The following NAA11 variants were observed in gnomAD, a reference collection of about 807,000 sequenced individuals.
NAA11 encodes N-alpha-acetyltransferase 11, NatA catalytic subunit, also known as N-alpha-acetyltransferase 11.
NAA11 carries 15 observed loss-of-function variants against 16.1 expected under a neutral mutation model. The ratio of observed to expected loss-of-function variants is 0.93; its 90% CI spans 0.62 to 1.44. The LOEUF (loss-of-function observed/expected upper bound fraction) is 1.44. Among genes scored for constraint, NAA11 ranks in the 40% most tolerant of loss-of-function variants. NAA11 has a pLI of 0.00. For synonymous variants in NAA11, 122 were observed against 112.4 expected, an observed-to-expected ratio of 1.09 and a Z score of -0.54; for missense variants, 298 against 291.3, an observed-to-expected ratio of 1.02 and a Z score of -0.17.
chr4:79,292,410 T>A (rs1220725908), intron 2 of NAA11, among the ~76,000 whole-genome samples: 1 of 152,216 alleles, frequency 6.6e-6, no homozygotes, highest in Non-Finnish European at 1.5e-5. Context: ...CTTACATATA[T>A]GACCATCTCC....
chr4:79,307,201 T>C (rs958081956), intron 1 of NAA11: 1 of 152,248 alleles, frequency 6.6e-6, no homozygotes, highest in African/African-American at 2.4e-5. Flanking sequence ...GGATAACATA[T>C]GATCGGGAGA....
At chr4:79,298,015 G>C (rs1335167228) in intron 1 of NAA11, among the ~76,000 whole-genome samples, 1 of 152,222 alleles carries the variant, frequency 6.6e-6, no homozygotes, top group Non-Finnish European at 1.5e-5. Flanking sequence ...GGCTCAGCCA[G>C]AGCAGAGCAG....
At chr4:79,257,496 C>A (rs1300250246) in intron 2 of NAA11, among the ~76,000 whole-genome samples, 1 of 151,990 alleles carries the variant, frequency 6.6e-6, no homozygotes, top group Admixed American at 6.6e-5. Flanking sequence ...TTCTTTAGGT[C>A]ACTTATTATC....
rs558413914 is a variant in NAA11 at position 79,284,878 on chromosome 4, CAAAAAAAA to C, written c.*122+9119_*122+9126del. On this transcript the variant is annotated intron_variant and NMD_transcript_variant, in intron 2 of 2. Transcript: ENST00000511542. ...TGGGCGACAGAGCGAGACTCCGTCT[CAAAAAAAA>C]AAAAAAAAAAAAAAAAAAAGAATGA... Among the ~76,000 whole-genome samples, 9 of 5,146 alleles carry C rather than the reference CAAAAAAAA, an allele frequency of 1.7e-3. 3 individuals carry two copies. The highest frequency in any genetic ancestry group is 2.8e-3 in the African/African-American group (2 of 722). 3.4% of individuals were successfully genotyped at this position (5,146 alleles called of 152,430 possible).
At chr4:79,233,369 C>T (rs1420665531) in intron 2 of NAA11, among the ~76,000 whole-genome samples, 1 of 151,870 alleles carries the variant, frequency 6.6e-6, no homozygotes, top group Admixed American at 6.6e-5. Flanking sequence ...ACCATTTTGT[C>T]TTGGAGGTAT....
the NAA11 span, among the ~76,000 whole-genome samples, chr4:79,157,898 ATT>A: frequency 1.7e-4 from 21 of 125,966 alleles, no homozygotes; most frequent in Admixed American, 2.5e-4. Flanking sequence ...ATTGCTGATG[ATT>A]TTTTTTTTTT....
the NAA11 span, among the ~76,000 whole-genome samples, chr4:79,155,655 T>A: frequency 6.6e-6 from 1 of 152,178 alleles, no homozygotes; most frequent in African/African-American, 2.4e-5. Context: ...CAAAAACACG[T>A]GTTGCCAAAT....
intron 2 of NAA11, among the ~76,000 whole-genome samples, chr4:79,232,118 G>A (rs1721480218): frequency 1.3e-5 from 2 of 151,830 alleles, no homozygotes. Context: ...TCTGAGGTTT[G>A]TTTGAATAAT....
At chr4:79,289,353 A>G (rs186767038) in intron 2 of NAA11, among the ~76,000 whole-genome samples, 10 of 152,372 alleles carry the variant, frequency 6.6e-5, no homozygotes, top group Non-Finnish European at 2.9e-5. Flanking sequence ...CAATTTCAAA[A>G]GCAAAATATT....
the NAA11 span, among the ~76,000 whole-genome samples, chr4:79,165,580 T>A: frequency 1.3e-5 from 2 of 152,208 alleles, no homozygotes; most frequent in Non-Finnish European, 2.9e-5. Flanking sequence ...TAGAATTGGA[T>A]AATGAATCAG....
At chr4:79,223,807 T>A (rs1721247759), downstream of NAA11, among the ~76,000 whole-genome samples, 1 of 152,038 alleles carries the variant, frequency 6.6e-6, no homozygotes, top group South Asian at 2.1e-4. Context: ...ACAGTTAGAT[T>A]TATTTGCTTT....
At chr4:79,299,544 A>T (rs1205480830) in intron 1 of NAA11, 1 of 152,208 alleles carries the variant, frequency 6.6e-6, no homozygotes, top group African/African-American at 2.4e-5. Context: ...TTTGATTATT[A>T]AAAAAGGTTT....
chr4:79,171,733 C>T, the NAA11 span, among the ~76,000 whole-genome samples: 1 of 152,096 alleles, frequency 6.6e-6, no homozygotes, highest in Non-Finnish European at 1.5e-5. Flanking sequence ...TACTTTGTGG[C>T]TTATCTATGA....
chr4:79,169,284 G>A, the NAA11 span, among the ~76,000 whole-genome samples: 1 of 152,158 alleles, frequency 6.6e-6, no homozygotes, highest in East Asian at 1.9e-4. Context: ...TAAAAAAAGA[G>A]TTTGTATAAC....
chr4:79,168,941 A>C, the NAA11 span, among the ~76,000 whole-genome samples: 1 of 152,214 alleles, frequency 6.6e-6, no homozygotes, highest in African/African-American at 2.4e-5. Flanking sequence ...AGAAATCAAA[A>C]GCATTCCTAT....
chr4:79,278,984 CCTG>C (rs1265689088), intron 2 of NAA11, among the ~76,000 whole-genome samples: 2 of 152,002 alleles, frequency 1.3e-5, no homozygotes, highest in Non-Finnish European at 2.9e-5. Context: ...ATAGGGTGAA[CCTG>C]CTATTGCAAG....
chr4:79,185,584 A>G, the NAA11 span, among the ~76,000 whole-genome samples: 3 of 152,178 alleles, frequency 2.0e-5, no homozygotes, highest in Non-Finnish European at 4.4e-5. Context: ...CCACTCGTTT[A>G]AAAAACAGAC....
intron 2 of NAA11, among the ~76,000 whole-genome samples, chr4:79,270,383 T>G (rs1433431242): frequency 6.6e-6 from 1 of 151,298 alleles, no homozygotes. Context: ...GTGGCAATAA[T>G]CAATAGCTTA....
chr4:79,247,939 C>A (rs547025501), intron 2 of NAA11, among the ~76,000 whole-genome samples: 1 of 152,124 alleles, frequency 6.6e-6, no homozygotes, highest in Admixed American at 6.5e-5. Flanking sequence ...GGATTTGGTG[C>A]GGGAGTGTCT....
Sources: gnomAD v4.1 joint callset for allele counts (sites outside exome capture counted in the v4.1 genomes callset) on GRCh38, gnomAD v4.1.1 for gene constraint, MANE v1.5 for transcripts, NCBI Gene and HGNC (gene_info 2026-07-23, HGNC 2026-07-21) for gene names.